GLIS3: variants seen among roughly 807,000 people sequenced by gnomAD.
The protein encoded by GLIS3 is zinc finger protein GLIS3.
In GLIS3, 53 loss-of-function variants were observed where a neutral mutation model predicts 78.6. The ratio of observed to expected loss-of-function variants is 0.67; its 90% confidence interval spans 0.54 to 0.85. The LOEUF (loss-of-function observed/expected upper bound fraction) is 0.85. GLIS3 is among the 40% of genes least tolerant of loss of function. The pLI is 0.00. For missense variants in GLIS3, 1,703 were observed against 1,231.1 expected (o/e 1.38, Z -5.74); for synonymous variants, 684 against 509.9 (o/e 1.34, Z -4.60).
chr9:4,343,779 C>A (rs1365942477), intron 2 of GLIS3, among the ~76,000 whole-genome samples: 1 of 152,182 alleles, frequency 6.6e-6, no homozygotes, highest in African/African-American at 2.4e-5. Context: ...ATGGATGCAG[C>A]TGGAGGTCAT....
chr9:4,025,116 G>A (rs950667030), intron 4 of GLIS3, among the ~76,000 whole-genome samples: 1 of 152,046 alleles, frequency 6.6e-6, no homozygotes, highest in Non-Finnish European at 1.5e-5. Context: ...GCCAAGCGTG[G>A]TGGTGCACAC....
chr9:4,304,900 C>G (rs1292734723), upstream of GLIS3, among the ~76,000 whole-genome samples: 2 of 152,114 alleles, frequency 1.3e-5, no homozygotes, highest in African/African-American at 4.8e-5. Context: ...CTTGTTTAAC[C>G]CTATACAGCA....
intron 4 of GLIS3, among the ~76,000 whole-genome samples, chr9:4,110,965 C>A (rs1041574195): frequency 6.6e-6 from 1 of 152,154 alleles, no homozygotes; most frequent in Non-Finnish European, 1.5e-5. Context: ...AATGACAACA[C>A]GACCACTCAA....
chr9:4,265,337 AT>A (rs747279895), intron 2 of GLIS3, among the ~76,000 whole-genome samples: 3 of 152,052 alleles, frequency 2.0e-5, no homozygotes, highest in Non-Finnish European at 4.4e-5. Context: ...AAATTCTAGC[AT>A]AATGTATCGC....
intron 2 of GLIS3, among the ~76,000 whole-genome samples, chr9:4,183,098 G>C (rs533309656): frequency 1.1e-4 from 16 of 152,184 alleles, no homozygotes; most frequent in Non-Finnish European, 1.5e-4. Flanking sequence ...TTGGCCTGGA[G>C]AGGACTGAAA....
At chr9:4,168,730 C>G (rs574822130) in intron 2 of GLIS3, among the ~76,000 whole-genome samples, 3 of 152,278 alleles carry the variant, frequency 2.0e-5, no homozygotes, top group Non-Finnish European at 4.4e-5. Flanking sequence ...ATGCCAAATA[C>G]TTTTCCAGTT....
At chr9:3,988,583 G>C (rs1280647788) in intron 4 of GLIS3, among the ~76,000 whole-genome samples, 2 of 152,072 alleles carry the variant, frequency 1.3e-5, no homozygotes, top group Non-Finnish European at 2.9e-5. Flanking sequence ...GAACAGAATA[G>C]ACAACCCAGA....
At position 4,118,775 on chromosome 9, in the gene GLIS3, G is replaced by A. The variant is rs778888638; in HGVS notation, c.703C>T (p.Pro235Ser). The A allele has an allele frequency of 1.2e-6, 2 of 1,612,874 alleles. No homozygotes were observed. The highest frequency in any genetic ancestry group is 1.7e-6 in the Non-Finnish European group (2 of 1,180,032). ...QEWSQGYRAL[P>S]SLSNHGSQNG... is the part of the protein sequence containing the mutation. Reference sequence around the variant, plus strand: ...TGAGAGCCGTGGTTGGAGAGCGAAGGGAGGGCCCTGTAGCCCTGGGACCAC... The same window carrying A: ...TGAGAGCCGTGGTTGGAGAGCGAAGAGAGGGCCCTGTAGCCCTGGGACCAC... The change falls in exon 4 of 11, where the codon CCT becomes TCT. Residue 235 changes from proline to serine, a missense_variant. By Grantham distance (74) the Pro-to-Ser change is moderately conservative (BLOSUM62 -1). Coordinates refer to ENST00000381971, the MANE Select transcript of GLIS3 (RefSeq NM_001042413.2). The surrounding 1 kb of genome is among the most constrained non-coding windows in gnomAD (Gnocchi z 4.7).
chr9:3,928,109 C>A (rs968799804), intron 6 of GLIS3, among the ~76,000 whole-genome samples: 1 of 152,180 alleles, frequency 6.6e-6, no homozygotes, highest in Non-Finnish European at 1.5e-5. Flanking sequence ...TTTAAAAAAT[C>A]AGTGCCGTTT....
intron 6 of GLIS3, among the ~76,000 whole-genome samples, chr9:3,916,439 G>C (rs1225821887): frequency 1.3e-5 from 2 of 152,300 alleles, no homozygotes; most frequent in East Asian, 3.9e-4. Context: ...CTCTAATCAG[G>C]TTCAAAGTAT....
chr9:4,207,840 G>A (rs1416432952), intron 2 of GLIS3, among the ~76,000 whole-genome samples: 1 of 152,156 alleles, frequency 6.6e-6, no homozygotes. Context: ...AAAAAGCAAA[G>A]GGAATGATCT....
Position 3,828,176 on chromosome 9 carries a change from C to T in GLIS3, c.*96G>A. The T allele has an allele frequency of 6.9e-7, 1 of 1,450,362 alleles. No individual in the cohort carries two copies. Among genetic ancestry groups the T allele is most frequent in the East Asian group, 2.3e-5 (1 of 44,034 alleles). The allele number at this position is 1,450,362 out of a possible 1,614,324, so 89.8% of individuals were successfully genotyped here. A position where few individuals can be genotyped will look rare whatever the true frequency, so the allele number is the denominator to read the frequency against. The stretch of plus-strand genomic sequence containing the variant: ...AACTCTGCAGGGCCCGCTGATTGGG[C>T]TGACATCCTTCCTCAAGCAGTCTGT... On this transcript the variant is annotated 3_prime_UTR_variant, in exon 11 of 11. Coordinates refer to ENST00000381971, the MANE Select transcript of GLIS3 (RefSeq NM_001042413.2).
At chr9:4,481,449 C>T in the GLIS3 span, among the ~76,000 whole-genome samples, 1 of 151,852 alleles carries the variant, frequency 6.6e-6, no homozygotes, top group African/African-American at 2.4e-5. Flanking sequence ...CATTACACTC[C>T]AGCCTGGGCA....
At chr9:4,034,247 G>C (rs1290372484) in intron 4 of GLIS3, among the ~76,000 whole-genome samples, 2 of 151,870 alleles carry the variant, frequency 1.3e-5, no homozygotes, top group East Asian at 3.9e-4. Flanking sequence ...CAGATCCCCA[G>C]AAACTTTATT....
intron 4 of GLIS3, among the ~76,000 whole-genome samples, chr9:3,983,899 G>A (rs1044137109): frequency 1.3e-5 from 2 of 152,224 alleles, no homozygotes; most frequent in Non-Finnish European, 2.9e-5. Context: ...TTTCTAAGGA[G>A]AAATTCAAGC....
At chr9:4,238,486 T>A (rs1563809222) in intron 2 of GLIS3, among the ~76,000 whole-genome samples, 1 of 152,148 alleles carries the variant, frequency 6.6e-6, no homozygotes, top group Non-Finnish European at 1.5e-5. Flanking sequence ...TTACAATAAT[T>A]TTTAAAAAGT....
At chr9:4,041,667 T>C (rs536424125) in intron 4 of GLIS3, among the ~76,000 whole-genome samples, 13 of 152,310 alleles carry the variant, frequency 8.5e-5, no homozygotes, top group African/African-American at 3.1e-4. Context: ...CATGTTTTAT[T>C]TCTGTTCTCT....
At chr9:4,091,271 G>A (rs1489144030) in intron 4 of GLIS3, among the ~76,000 whole-genome samples, 1 of 152,060 alleles carries the variant, frequency 6.6e-6, no homozygotes, top group African/African-American at 2.4e-5. Context: ...GGGGTCTGAG[G>A]TGGGAGGATC....
In GLIS3 at chr9:4,144,432, C is replaced by G. The variant is rs528557299; in HGVS notation, c.389-18491G>C. On this transcript the variant is annotated intron_variant, in intron 2 of 10. Coordinates refer to ENST00000381971, the MANE Select transcript of GLIS3 (RefSeq NM_001042413.2). ...AGGTATCTGAAGACAGGAAAGTTGTCAGGTTTCTCGTTTCTGTGTCATTTT... is the reference window on the plus strand; with the variant it reads ...AGGTATCTGAAGACAGGAAAGTTGTGAGGTTTCTCGTTTCTGTGTCATTTT... 1.2e-3 allele frequency among the ~76,000 whole-genome samples: 186 copies of G among 152,288 alleles called. 1 individual carries two copies. The highest frequency in any genetic ancestry group is 4.3e-3 in the African/African-American group (180 of 41,580).
Sources: gnomAD v4.1 joint callset for allele counts (sites outside exome capture counted in the v4.1 genomes callset) on GRCh38, gnomAD v4.1.1 for gene constraint, Gnocchi (gnomAD v3.1) non-coding constraint, MANE v1.5 for transcripts, NCBI Gene and HGNC (gene_info 2026-07-23, HGNC 2026-07-21) for gene names.